Variants in PIGU observed in about 807,000 individuals in gnomAD.
PIGU encodes the protein phosphatidylinositol glycan anchor biosynthesis class U.
Under a neutral mutation model 49.9 loss-of-function variants are expected in PIGU, and 24 were observed. That is an observed-to-expected ratio of 0.48 (90% CI 0.35 to 0.68). PIGU has a LOEUF of 0.68. Among genes scored for constraint, PIGU ranks in the 30% least tolerant of loss-of-function variants. PIGU has a pLI of 0.01. For missense variants in PIGU, 490 were observed against 532.6 expected, an observed-to-expected ratio of 0.92 and a Z score of 0.79; for synonymous variants, 220 against 205.7, an observed-to-expected ratio of 1.07 and a Z score of -0.59.
chr20:34,666,169 G>A (rs1472300240), intron 1 of PIGU, among the ~76,000 whole-genome samples: 4 of 151,664 alleles, frequency 2.6e-5, no homozygotes. Context: ...CCGGGCGATA[G>A]AACAAGACTC....
chr20:34,593,030 T>A (rs1984054586), intron 7 of PIGU, among the ~76,000 whole-genome samples: 2 of 152,044 alleles, frequency 1.3e-5, no homozygotes, highest in South Asian at 4.1e-4. Flanking sequence ...GAGAAAAAAT[T>A]AATTCACAAG....
At chr20:34,585,169 TCAG>T (rs1266013285) in intron 9 of PIGU, among the ~76,000 whole-genome samples, 2 of 152,218 alleles carry the variant, frequency 1.3e-5, no homozygotes, top group African/African-American at 4.8e-5. Flanking sequence ...GTGAATGGGC[TCAG>T]CAGCAATGTG....
At chr20:34,643,082 C>T (rs1986220739) in intron 4 of PIGU, among the ~76,000 whole-genome samples, 1 of 152,024 alleles carries the variant, frequency 6.6e-6, no homozygotes. Context: ...CATTTCATCT[C>T]AGCCCCTAAA....
intron 8 of PIGU, among the ~76,000 whole-genome samples, chr20:34,587,887 ATTTG>A (rs546173181): frequency 3.9e-5 from 6 of 152,092 alleles, no homozygotes; most frequent in Non-Finnish European, 8.8e-5. Context: ...TTCTTTATCC[ATTTG>A]TTTGTTGATG....
At chr20:34,595,441 G>A (rs757789029) in intron 7 of PIGU, among the ~76,000 whole-genome samples, 1 of 152,216 alleles carries the variant, frequency 6.6e-6, no homozygotes, top group Non-Finnish European at 1.5e-5. Context: ...ATGCCATTTT[G>A]TATTAGGGAC....
At chr20:34,583,193 G>A (rs1302547217) in intron 9 of PIGU, among the ~76,000 whole-genome samples, 1 of 152,242 alleles carries the variant, frequency 6.6e-6, no homozygotes, top group Non-Finnish European at 1.5e-5. Context: ...CAGCCCTGTA[G>A]CCTCTAAGAA....
At chr20:34,576,580 C>G (rs1048789422) in intron 10 of PIGU, among the ~76,000 whole-genome samples, 1 of 152,168 alleles carries the variant, frequency 6.6e-6, no homozygotes, top group African/African-American at 2.4e-5. Context: ...CATTGCATCA[C>G]TCAGACCTTC....
chr20:34,588,642 T>C (rs372399691), intron 7 of PIGU, 35 bp from the exon 8 acceptor site: 28 of 1,592,106 alleles, frequency 1.8e-5, no homozygotes, highest in Non-Finnish European at 2.1e-5. Flanking sequence ...AACTTAGGGA[T>C]GTAAACAACA....
chr20:34,560,846 C>G lies in PIGU; in HGVS notation c.*20G>C. ...GCCCCACAGCCCCCTGAGGTCCATG[C>G]AGCCCTGTGCCAGCCAGGCCTACTT... On this transcript the variant is annotated 3_prime_UTR_variant, in exon 12 of 12. Coordinates refer to ENST00000217446, the MANE Select transcript of PIGU (RefSeq NM_080476.5). 1 of 1,541,384 alleles carries G rather than the reference C, an allele frequency of 6.5e-7. No individual in the cohort carries two copies. The highest frequency in any genetic ancestry group is 2.3e-5 in the East Asian group (1 of 43,500).
At chr20:34,659,614 G>T (rs1327290312) in intron 1 of PIGU, among the ~76,000 whole-genome samples, 1 of 152,240 alleles carries the variant, frequency 6.6e-6, no homozygotes, top group Non-Finnish European at 1.5e-5. Context: ...TAGAAAGGGG[G>T]GAAAGGTGGG....
At chr20:34,602,292 G>T (rs1194463907) in intron 7 of PIGU, among the ~76,000 whole-genome samples, 1 of 149,162 alleles carries the variant, frequency 6.7e-6, no homozygotes, top group Non-Finnish European at 1.5e-5. Flanking sequence ...AAAATGAAAT[G>T]AAATAAAATA....
At chr20:34,663,125 G>GCC (rs1203744228) in intron 1 of PIGU, among the ~76,000 whole-genome samples, 1 of 152,018 alleles carries the variant, frequency 6.6e-6, no homozygotes, top group Admixed American at 6.6e-5. Flanking sequence ...GGCTGGTCTT[G>GCC]AACTCCTGGG....
intron 1 of PIGU, among the ~76,000 whole-genome samples, chr20:34,668,695 G>A (rs867256086): frequency 2.3e-4 from 35 of 150,690 alleles, no homozygotes; most frequent in African/African-American, 7.6e-4. Flanking sequence ...CATGAAACCG[G>A]AAGGCGGAGC....
chr20:34,612,122 A>G (rs967678014), intron 7 of PIGU, among the ~76,000 whole-genome samples: 1 of 152,212 alleles, frequency 6.6e-6, no homozygotes, highest in Admixed American at 6.5e-5. Context: ...ATGCCCAGCA[A>G]TGAGACTGGA....
chr20:34,650,310 A>G (rs973131190), intron 2 of PIGU, among the ~76,000 whole-genome samples: 1 of 151,778 alleles, frequency 6.6e-6, no homozygotes, highest in African/African-American at 2.4e-5. Context: ...TCACTTTGTC[A>G]CCCAGGCTGG....
intron 7 of PIGU, among the ~76,000 whole-genome samples, chr20:34,610,541 C>CAAGGAA (rs1278559469): frequency 6.6e-6 from 1 of 152,074 alleles, no homozygotes; most frequent in African/African-American, 2.4e-5. Flanking sequence ...AACCACTGCT[C>CAAGGAA]AAGGAAATAA....
At chr20:34,586,179 C>T (rs538589016) in intron 8 of PIGU, among the ~76,000 whole-genome samples, 6 of 152,280 alleles carry the variant, frequency 3.9e-5, no homozygotes, top group African/African-American at 9.6e-5. Flanking sequence ...AAATATTTCG[C>T]TGCAATTCTG....
intron 6 of PIGU, among the ~76,000 whole-genome samples, chr20:34,626,504 T>C (rs992350895): frequency 6.6e-6 from 1 of 152,130 alleles, no homozygotes; most frequent in Non-Finnish European, 1.5e-5. Context: ...GGTCTCACCA[T>C]GTTGGCCAGG....
At chr20:34,598,390 G>A (rs1984283191) in intron 7 of PIGU, among the ~76,000 whole-genome samples, 2 of 152,166 alleles carry the variant, frequency 1.3e-5, no homozygotes, top group African/African-American at 2.4e-5. Flanking sequence ...GAACAGCCAA[G>A]TCAAGGAGGA....
Sources: allele counts gnomAD v4.1 joint callset (sites outside exome capture counted in the v4.1 genomes callset), GRCh38; gene constraint gnomAD v4.1.1; transcripts MANE v1.5; gene names NCBI Gene and HGNC (gene_info 2026-07-23, HGNC 2026-07-21).